The following TMEM132D variants were observed in gnomAD, a reference collection of about 807,000 sequenced individuals.
TMEM132D encodes the protein transmembrane protein 132D, also known as mature OL transmembrane protein.
A neutral mutation model predicts 62.3 loss-of-function variants in TMEM132D; 21 were observed. The observed-to-expected ratio is 0.34, with a 90% confidence interval of 0.24 to 0.49. The LOEUF is 0.49. Ranked by LOEUF, TMEM132D falls within the 20% of genes least tolerant of loss-of-function variation. TMEM132D has a pLI of 0.99. For missense variants in TMEM132D, 1,346 were observed against 1,402.8 expected (o/e 0.96, Z 0.65); for synonymous variants, 621 against 575.6 (o/e 1.08, Z -1.13).
chr12:129,158,756 G>A (rs1471427774), intron 5 of TMEM132D, among the ~76,000 whole-genome samples: 2 of 152,192 alleles, frequency 1.3e-5, no homozygotes, highest in African/African-American at 4.8e-5. Context: ...AACGGTATGA[G>A]TCTATTTTCA....
chr12:129,368,388 T>G (rs995936690), intron 3 of TMEM132D, among the ~76,000 whole-genome samples: 1 of 152,202 alleles, frequency 6.6e-6, no homozygotes, highest in Non-Finnish European at 1.5e-5. Context: ...TTGTTTGAGC[T>G]TATAAACTGT....
chr12:129,139,063 G>A (rs1876663636), intron 5 of TMEM132D, among the ~76,000 whole-genome samples: 1 of 152,124 alleles, frequency 6.6e-6, no homozygotes, highest in South Asian at 2.1e-4. Context: ...AATCGTGTTT[G>A]CAAAATTACG....
chr12:129,732,749 TTATAGCAATGTGAGAAAG>T (rs1869290419), intron 1 of TMEM132D, among the ~76,000 whole-genome samples: 2 of 152,160 alleles, frequency 1.3e-5, no homozygotes, highest in African/African-American at 2.4e-5. Context: ...AGGTATTTCT[TTATAGCAATGTGAGAAAG>T]GCCTAACACA....
intron 3 of TMEM132D, among the ~76,000 whole-genome samples, chr12:129,369,470 A>G (rs1870528526): frequency 6.6e-6 from 1 of 152,122 alleles, no homozygotes; most frequent in Non-Finnish European, 1.5e-5. Flanking sequence ...CACTCATCCT[A>G]TGAAACACTA....
At chr12:129,711,571 C>T (rs1191309179) in intron 1 of TMEM132D, among the ~76,000 whole-genome samples, 1 of 151,592 alleles carries the variant, frequency 6.6e-6, no homozygotes, top group African/African-American at 2.4e-5. Context: ...ACTAAAAATA[C>T]AAAAAATTAG....
chr12:129,490,512 T>C (rs949991338), intron 3 of TMEM132D, among the ~76,000 whole-genome samples: 3 of 131,296 alleles, frequency 2.3e-5, no homozygotes, highest in Non-Finnish European at 3.1e-5. Flanking sequence ...CACTGCAAGC[T>C]CCGCCTCCCG....
intron 4 of TMEM132D, among the ~76,000 whole-genome samples, chr12:129,239,985 C>A (rs761521623): frequency 6.6e-6 from 1 of 152,122 alleles, no homozygotes; most frequent in African/African-American, 2.4e-5. Flanking sequence ...CTTCTCTTTG[C>A]AAGGAAAAGG....
At chr12:129,274,873 C>A (rs1159563636) in intron 4 of TMEM132D, among the ~76,000 whole-genome samples, 1 of 152,090 alleles carries the variant, frequency 6.6e-6, no homozygotes, top group Non-Finnish European at 1.5e-5. Context: ...GGCGACAGAG[C>A]GAGACTCCGT....
At chr12:129,456,686 C>A (rs913784447) in intron 3 of TMEM132D, among the ~76,000 whole-genome samples, 1 of 152,196 alleles carries the variant, frequency 6.6e-6, no homozygotes, top group South Asian at 2.1e-4. Flanking sequence ...CCATAAACGG[C>A]AGATGGAACT....
intron 1 of TMEM132D, among the ~76,000 whole-genome samples, chr12:129,744,367 C>T (rs1303855117): frequency 6.6e-6 from 1 of 152,056 alleles, no homozygotes; most frequent in African/African-American, 2.4e-5. Context: ...TCTCATGTGC[C>T]CCAAAGATTC....
chr12:129,559,441 G>A (rs1318324158), intron 2 of TMEM132D, among the ~76,000 whole-genome samples: 2 of 152,156 alleles, frequency 1.3e-5, no homozygotes, highest in Non-Finnish European at 2.9e-5. Flanking sequence ...GAGAGGTCTC[G>A]TAGATGAACA....
At chr12:129,876,572 G>A (rs1215707884) in intron 1 of TMEM132D, among the ~76,000 whole-genome samples, 2 of 152,120 alleles carry the variant, frequency 1.3e-5, no homozygotes, top group Non-Finnish European at 2.9e-5. Flanking sequence ...GAATTTATTG[G>A]CTCATGTAAC....
intron 4 of TMEM132D, among the ~76,000 whole-genome samples, chr12:129,220,626 G>A (rs962860475): frequency 6.6e-6 from 1 of 152,116 alleles, no homozygotes; most frequent in Non-Finnish European, 1.5e-5. Flanking sequence ...GTTCTGCTAA[G>A]TCTATTCATT....
chr12:129,512,457 C>A (rs188133903), intron 3 of TMEM132D, among the ~76,000 whole-genome samples: 10 of 152,236 alleles, frequency 6.6e-5, no homozygotes, highest in African/African-American at 2.4e-4. Context: ...AGCACAGAGA[C>A]GAACAAGATG....
At chr12:129,313,268 AC>A (rs371611538) in intron 4 of TMEM132D, among the ~76,000 whole-genome samples, 256 of 152,202 alleles carry the variant, frequency 1.7e-3, no homozygotes, top group African/African-American at 5.7e-3. Context: ...TGCACCCATC[AC>A]CCAAGCAGTA....
At chr12:129,093,163 G>A (rs940328575) in intron 5 of TMEM132D, among the ~76,000 whole-genome samples, 4 of 152,154 alleles carry the variant, frequency 2.6e-5, no homozygotes, top group South Asian at 2.1e-4. Context: ...GATGGGCTTC[G>A]GGTCAGCAGG....
At chr12:129,653,171 A>G (rs1879976244) in intron 2 of TMEM132D, among the ~76,000 whole-genome samples, 1 of 152,148 alleles carries the variant, frequency 6.6e-6, no homozygotes, top group Non-Finnish European at 1.5e-5. Flanking sequence ...CTAAGGCCTC[A>G]AGGCATTGGG....
chr12:129,211,583 T>A (rs564875753), intron 4 of TMEM132D, among the ~76,000 whole-genome samples: 3 of 152,358 alleles, frequency 2.0e-5, no homozygotes, highest in South Asian at 4.1e-4. Context: ...TAAGATCTTA[T>A]TTGTCATTTA....
At chr12:129,320,399 G>A (rs1021467733) in intron 4 of TMEM132D, among the ~76,000 whole-genome samples, 3 of 152,164 alleles carry the variant, frequency 2.0e-5, no homozygotes, top group African/African-American at 4.8e-5. Flanking sequence ...TTAAACCCAA[G>A]AAAGAGACAT....
Sources: gnomAD v4.1 joint callset for allele counts (sites outside exome capture counted in the v4.1 genomes callset) on GRCh38, gnomAD v4.1.1 for gene constraint, MANE v1.5 for transcripts, NCBI Gene and HGNC (gene_info 2026-07-23, HGNC 2026-07-21) for gene names.